RB1: variants seen among roughly 807,000 people sequenced by gnomAD.
The protein encoded by RB1 is RB transcriptional corepressor 1, also known as retinoblastoma-associated protein.
Under a neutral mutation model 135.4 loss-of-function variants are expected in RB1, and 18 were observed. The ratio of observed to expected loss-of-function variants is 0.13; its 90% CI spans 0.09 to 0.20. The LOEUF (loss-of-function observed/expected upper bound fraction) is 0.20. Ranked by LOEUF, RB1 falls within the 10% of genes least tolerant of loss-of-function variation. The pLI, the probability that RB1 is intolerant of heterozygous loss-of-function variation, is 1.00. For missense variants in RB1, 868 were observed against 1,110.0 expected (o/e 0.78, Z 3.10); for synonymous variants, 365 against 373.2 (o/e 0.98, Z 0.25).
At position 48,456,233 on chromosome 13, in the gene RB1, A is replaced by G. The variant is rs1334513810; in HGVS notation, c.1844A>G (p.Lys615Arg). ...MYLSPVRSPK[K>R]KGSTTRVNST... is the part of the protein sequence containing the mutation. ...CTTTCTCCTGTAAGATCTCCAAAGAAAAAAGGTTCAACTACGCGTGTAAAT... is the reference window on the plus strand; with the variant it reads ...CTTTCTCCTGTAAGATCTCCAAAGAGAAAAGGTTCAACTACGCGTGTAAAT... The change falls in exon 19 of 27, where the codon AAA becomes AGA. Residue 615 changes from lysine (K) to arginine (R), a missense_variant. Lys to Arg is a conservative substitution (Grantham distance 26, BLOSUM62 2). Transcript: ENST00000267163. 3 of 1,614,190 alleles carry G rather than the reference A, an allele frequency of 1.9e-6. No homozygotes were observed. The highest frequency in any genetic ancestry group is 1.7e-5 in the Admixed American group (1 of 60,026).
chr13:48,405,212 A>G (rs1948729196), intron 17 of RB1, among the ~76,000 whole-genome samples: 1 of 152,242 alleles, frequency 6.6e-6, no homozygotes, highest in Admixed American at 6.5e-5. Flanking sequence ...ATAGTTTCAT[A>G]AAGAATGCCT....
Position 48,476,833 on chromosome 13 carries a change from G to A in RB1, c.2653G>A (p.Ala885Thr), listed in dbSNP as rs752897010. The change falls in exon 25 of 27, where the codon GCA (alanine) becomes ACA (threonine). Residue 885 changes from alanine to threonine, a missense_variant. By Grantham distance (58) the Ala-to-Thr change is moderately conservative (BLOSUM62 0). Around this residue, in one of 3 missense-constraint regions of RB1, gnomAD observed 196 missense variants for 239.8 expected, o/e 0.82. Coordinates refer to ENST00000267163, the MANE Select transcript of RB1 (RefSeq NM_000321.3). Reference protein sequence around the residue: ...LRFDIEGSDEADGSKHLPGES... With the variant: ...LRFDIEGSDETDGSKHLPGES... Reference sequence around the variant, plus strand: ...CTTTGATATTGAAGGATCAGATGAAGCAGATGGAAGGTAGGAACCAGTTTT... The same window carrying A: ...CTTTGATATTGAAGGATCAGATGAAACAGATGGAAGGTAGGAACCAGTTTT... 1.4e-5 allele frequency: 22 copies of A among 1,613,594 alleles called. 1 individual carries two copies. In the South Asian group the frequency reaches 2.0e-4, roughly 14 times the overall value.
intron 2 of RB1, among the ~76,000 whole-genome samples, chr13:48,339,628 G>A (rs1952424256): frequency 6.6e-6 from 1 of 152,160 alleles, no homozygotes; most frequent in Admixed American, 6.5e-5. Flanking sequence ...TCCCAGGTGA[G>A]GTGATGCCTC....
chr13:48,307,348 A>G lies in RB1; in HGVS notation c.206A>G (p.His69Arg), dbSNP rs776591592. ...TGTCAGAAATTAAAGATACCAGATC[A>G]TGTCAGAGAGAGAGCTTGGTTAACT... ...ALCQKLKIPDHVRERAWLTWE... is the reference protein window; with the variant it reads ...ALCQKLKIPDRVRERAWLTWE... The change falls in exon 2 of 27, where the codon CAT becomes CGT. Residue 69 changes from histidine to arginine, a missense_variant. His to Arg is a conservative substitution (Grantham distance 29). Coordinates refer to ENST00000267163, the MANE Select transcript of RB1 (RefSeq NM_000321.3). The G allele has an allele frequency of 6.2e-7, 1 of 1,611,628 alleles. No homozygotes were observed.
intron 2 of RB1, among the ~76,000 whole-genome samples, chr13:48,314,550 A>G (rs1383612828): frequency 6.6e-6 from 1 of 152,206 alleles, no homozygotes; most frequent in Non-Finnish European, 1.5e-5. Context: ...CTGTAATCTT[A>G]GCACTTTGGG....
chr13:48,403,573 A>G (rs774161484), intron 17 of RB1, among the ~76,000 whole-genome samples: 2 of 152,178 alleles, frequency 1.3e-5, no homozygotes, highest in Non-Finnish European at 2.9e-5. Flanking sequence ...TAGCAGATAC[A>G]GAGAGTGGGG....
At chr13:48,449,547 A>T (rs1490363281) in intron 17 of RB1, among the ~76,000 whole-genome samples, 1 of 152,054 alleles carries the variant, frequency 6.6e-6, no homozygotes, top group Admixed American at 6.6e-5. Context: ...CAAGCTTTCA[A>T]AATTTTGTAT....
intron 1 of RB1, among the ~76,000 whole-genome samples, chr13:48,304,846 G>C (rs1952066774): frequency 6.6e-6 from 1 of 150,914 alleles, no homozygotes; most frequent in African/African-American, 2.4e-5. Flanking sequence ...TTTGCCTTTT[G>C]ACTTTGAACC....
At position 48,319,357 on chromosome 13, in the gene RB1, G is replaced by T. The variant is rs965323856; in HGVS notation, c.264+11951G>T. 15 of 490,324 alleles carry T rather than the reference G, an allele frequency of 3.1e-5. No homozygotes were observed. The highest frequency in any genetic ancestry group is 5.6e-5 in the Non-Finnish European group (15 of 267,442). 30.4% of individuals were successfully genotyped at this position (490,324 alleles called of 1,614,324 possible). ...CCGTTGGCCTCCTTGCGTGTTTGCC[G>T]CAGCTAGTACACCTGGATGGCCTCC... On this transcript the variant is annotated intron_variant, in intron 2 of 26. Transcript: ENST00000267163. This position sits in a 1 kb window ranked among gnomAD's most constrained non-coding sequence, Gnocchi z 5.0.
chr13:48,426,170 AAG>A (rs1389767380), intron 17 of RB1, among the ~76,000 whole-genome samples: 1 of 152,190 alleles, frequency 6.6e-6, no homozygotes, highest in African/African-American at 2.4e-5. Context: ...TGACCTTATG[AAG>A]AGTTTTCAGA....
At chr13:48,398,877 C>T (rs1386951657) in intron 17 of RB1, among the ~76,000 whole-genome samples, 1 of 152,116 alleles carries the variant, frequency 6.6e-6, no homozygotes, top group Non-Finnish European at 1.5e-5. Context: ...AGTGTTTTGC[C>T]TAGGAGCTAA....
intron 12 of RB1, among the ~76,000 whole-genome samples, chr13:48,375,282 A>T (rs1952809308): frequency 1.3e-5 from 2 of 152,130 alleles, no homozygotes; most frequent in Admixed American, 6.6e-5. Flanking sequence ...GTCAAAGTGA[A>T]CATGTCTTGA....
intron 13 of RB1, among the ~76,000 whole-genome samples, chr13:48,378,178 C>G: frequency 6.6e-6 from 1 of 152,038 alleles, no homozygotes; most frequent in East Asian, 1.9e-4. Flanking sequence ...TTTTTTCTTT[C>G]TTCAGTAGTA....
At chr13:48,326,004 C>A (rs1209991748) in intron 2 of RB1, among the ~76,000 whole-genome samples, 1 of 152,118 alleles carries the variant, frequency 6.6e-6, no homozygotes, top group East Asian at 1.9e-4. Context: ...ATACTGTAAC[C>A]TGCCCCTACT....
At chr13:48,400,233 A>G (rs564669212) in intron 17 of RB1, among the ~76,000 whole-genome samples, 2 of 152,226 alleles carry the variant, frequency 1.3e-5, no homozygotes, top group South Asian at 4.1e-4. Flanking sequence ...GTTTTTGCAT[A>G]TGTCCTATTA....
intron 17 of RB1, 71 bp from the exon 18 acceptor site, chr13:48,452,922 T>C: frequency 1.3e-6 from 2 of 1,595,386 alleles, no homozygotes; most frequent in Non-Finnish European, 1.7e-6. Context: ...TGTCAAACAA[T>C]ATGATTTTGA....
chr13:48,330,373 C>A (rs9535015), intron 2 of RB1, among the ~76,000 whole-genome samples: 84,462 of 151,692 alleles, frequency 0.56, 28,250 homozygotes, highest in Non-Finnish European at 0.72. Flanking sequence ...AAAAGAGCAA[C>A]AAAATGAAGA....
At chr13:48,369,180 T>C (rs1042702766) in intron 11 of RB1, among the ~76,000 whole-genome samples, 1 of 152,210 alleles carries the variant, frequency 6.6e-6, no homozygotes, top group Non-Finnish European at 1.5e-5. Context: ...TTGATCTGCA[T>C]GCAACCTTAA....
rs117940316 is a variant in RB1 at position 48,349,830 on chromosome 13, A to G, written c.607+807A>G. On this transcript the variant is annotated intron_variant, in intron 6 of 26. Transcript: ENST00000267163. ...GCCTATAAAGACACATACCGACTGA[A>G]AATAAAGGGATGGAAAAATATATTC... Among the ~76,000 whole-genome samples, 108 of 152,210 alleles carry G rather than the reference A, an allele frequency of 7.1e-4. 1 individual carries two copies. The East Asian group carries it at 0.019, about 27-fold the overall frequency.
Sources: gnomAD v4.1 joint callset for allele counts (sites outside exome capture counted in the v4.1 genomes callset) on GRCh38, gnomAD v4.1.1 for gene constraint, gnomAD v4.1.1 regional missense constraint, Gnocchi (gnomAD v3.1) non-coding constraint, MANE v1.5 for transcripts, NCBI Gene and HGNC (gene_info 2026-07-23, HGNC 2026-07-21) for gene names.